TLN2: variants seen among roughly 807,000 people sequenced by gnomAD.
TLN2 encodes the protein talin 2, also known as talin-2.
Under a neutral mutation model 294.7 loss-of-function variants are expected in TLN2, and 118 were observed. That is an observed-to-expected ratio of 0.40 (90% CI 0.34 to 0.47). The LOEUF is 0.47. Among genes scored for constraint, TLN2 ranks in the 20% least tolerant of loss-of-function variants. TLN2 has a pLI of 0.84. For synonymous variants in TLN2, 1,431 were observed against 1,304.5 expected, an observed-to-expected ratio of 1.10 and a Z score of -2.09; for missense variants, 3,083 against 3,282.2, an observed-to-expected ratio of 0.94 and a Z score of 1.48.
intron 1 of TLN2, among the ~76,000 whole-genome samples, chr15:62,511,302 A>G (rs1365603431): frequency 2.0e-5 from 3 of 152,350 alleles, no homozygotes; most frequent in South Asian, 2.1e-4. Context: ...TGAGGAGTAT[A>G]TAAGAATGAC....
intron 1 of TLN2, among the ~76,000 whole-genome samples, chr15:62,447,635 G>A (rs1220762240): frequency 5.3e-5 from 8 of 151,668 alleles, no homozygotes; most frequent in Non-Finnish European, 1.0e-4. Flanking sequence ...CTGGGACTGT[G>A]GGCACCCGCC....
chr15:62,396,102 A>G (rs147955498), intron 1 of TLN2, among the ~76,000 whole-genome samples: 5,247 of 152,224 alleles, frequency 0.034, 310 homozygotes, highest in African/African-American at 0.12. Context: ...CCAAAGTGCT[A>G]TGATTACAGG....
chr15:62,765,500 A>T (rs72757717), intron 40 of TLN2, among the ~76,000 whole-genome samples: 1 of 152,264 alleles, frequency 6.6e-6, no homozygotes, highest in Admixed American at 6.5e-5. Flanking sequence ...AGTTCACTCA[A>T]TTCCATGCTG....
intron 51 of TLN2, among the ~76,000 whole-genome samples, chr15:62,807,793 T>C (rs952298144): frequency 2.0e-5 from 3 of 152,272 alleles, no homozygotes; most frequent in Non-Finnish European, 4.4e-5. Context: ...AGCCTGAATG[T>C]CAGCTTCACA....
intron 1 of TLN2, among the ~76,000 whole-genome samples, chr15:62,478,551 A>G (rs542421193): frequency 1.3e-5 from 2 of 151,892 alleles, no homozygotes; most frequent in African/African-American, 4.8e-5. Context: ...ACCTCTGCCC[A>G]CCTCCGCCAG....
intron 1 of TLN2, among the ~76,000 whole-genome samples, chr15:62,460,340 AC>A (rs2036729117): frequency 6.7e-6 from 1 of 149,028 alleles, no homozygotes; most frequent in South Asian, 2.1e-4. Flanking sequence ...ATCTCAGCTC[AC>A]CGCAACCTCC....
At chr15:62,812,192 C>T (rs952488461) in intron 52 of TLN2, among the ~76,000 whole-genome samples, 8 of 152,096 alleles carry the variant, frequency 5.3e-5, no homozygotes, top group African/African-American at 1.2e-4. Context: ...TTTTCTCTCT[C>T]GTGCTTTTGC....
chr15:62,548,342 G>A (rs544104392), intron 1 of TLN2, among the ~76,000 whole-genome samples: 2 of 152,284 alleles, frequency 1.3e-5, no homozygotes, highest in African/African-American at 4.8e-5. Context: ...AAGAGAATCG[G>A]GTAAAATGGG....
At chr15:62,774,403 T>TA (rs1281448447) in intron 42 of TLN2, among the ~76,000 whole-genome samples, 1 of 152,134 alleles carries the variant, frequency 6.6e-6, no homozygotes, top group Non-Finnish European at 1.5e-5. Flanking sequence ...CGATGCCACT[T>TA]ATGAGATTGC....
At chr15:62,574,623 T>G (rs904502929) in intron 1 of TLN2, among the ~76,000 whole-genome samples, 1 of 96,040 alleles carries the variant, frequency 1.0e-5, no homozygotes, top group Non-Finnish European at 2.4e-5. Context: ...AAAAAAAGAC[T>G]ATTTCCTTTT....
chr15:62,647,738 C>G (rs113728537), intron 4 of TLN2, among the ~76,000 whole-genome samples: 1,769 of 152,158 alleles, frequency 0.012, 33 homozygotes, highest in African/African-American at 0.041. Context: ...TCTCATTGTC[C>G]CAAGAAAGTG....
intron 28 of TLN2, among the ~76,000 whole-genome samples, chr15:62,727,854 A>G (rs976259916): frequency 2.6e-5 from 4 of 152,234 alleles, no homozygotes; most frequent in Non-Finnish European, 5.9e-5. Context: ...TATGTATGGA[A>G]GGAAAGCTTA....
At chr15:62,742,952 A>G (rs2061422565) in intron 32 of TLN2, among the ~76,000 whole-genome samples, 1 of 152,156 alleles carries the variant, frequency 6.6e-6, no homozygotes, top group South Asian at 2.1e-4. Context: ...TGTCTTCATT[A>G]CATAGATTTT....
In TLN2 at chr15:62,835,755, A is replaced by G. The variant is rs766987642; in HGVS notation, c.7147A>G (p.Asn2383Asp). ...AQGKVGSIPA[N>D]AADDGQWSQG... is the part of the protein sequence containing the mutation. ...TCTCTAGGTGGGCTCCATCCCTGCC[A>G]ATGCTGCAGACGACGGACAGTGGTC... is the stretch of plus-strand genomic sequence containing the variant. Residue 2383 changes from asparagine (N) to aspartate (D), a missense_variant, in exon 56 of 59, where the codon AAT (asparagine) becomes GAT (aspartate). Asn to Asp is a conservative substitution (Grantham distance 23). Transcript: ENST00000636159. 1.9e-6 allele frequency: 3 copies of G among 1,614,034 alleles called. No individual in the cohort carries two copies. The highest frequency in any genetic ancestry group is 2.2e-5 in the East Asian group (1 of 44,866).
intron 1 of TLN2, among the ~76,000 whole-genome samples, chr15:62,567,625 A>G (rs2043516527): frequency 6.7e-6 from 1 of 149,922 alleles, no homozygotes; most frequent in Non-Finnish European, 1.5e-5. Flanking sequence ...ACTTGAGGGC[A>G]GGAGTTTGAG....
intron 1 of TLN2, among the ~76,000 whole-genome samples, chr15:62,392,279 T>C (rs1001882650): frequency 1.3e-5 from 2 of 152,254 alleles, no homozygotes; most frequent in African/African-American, 2.4e-5. Flanking sequence ...TGAAAACTTC[T>C]GGTTCTTTCC....
In TLN2 at chr15:62,725,063, G is replaced by A. The variant is rs1192368727; in HGVS notation, c.3214G>A (p.Ala1072Thr). 6.2e-7 allele frequency: 1 copy of A among 1,613,064 alleles called. No individual in the cohort carries two copies. The highest frequency in any genetic ancestry group is 8.5e-7 in the Non-Finnish European group (1 of 1,179,666). Residue 1072 changes from alanine to threonine, a missense_variant, in exon 27 of 59, where the codon GCA becomes ACA. Physicochemically the swap from Ala to Thr is moderately conservative, Grantham distance 58. Coordinates refer to ENST00000636159, the MANE Select transcript of TLN2 (RefSeq NM_015059.3). ...LKNELQDAKM[A>T]AVESQLKPLP... The stretch of plus-strand genomic sequence containing the variant: ...GAATGAACTGCAGGATGCCAAGATG[G>A]CAGCCGTGGAGAGCCAGCTGAAGCC...
rs541799740 is a variant in TLN2 at position 62,837,366 on chromosome 15, G to C, written c.7374+1293G>C. 4.6e-5 allele frequency among the ~76,000 whole-genome samples: 7 copies of C among 152,288 alleles called. No homozygotes were observed. In the South Asian group the frequency reaches 8.3e-4, roughly 18 times the overall value. ...TTAAGAGAGACCTGGTTCAAGTCCT[G>C]CTTCTGCCATTTATTAGGTGCATAA... On this transcript the variant is annotated intron_variant, in intron 57 of 58. Coordinates refer to ENST00000636159, the MANE Select transcript of TLN2 (RefSeq NM_015059.3).
chr15:62,833,340 C>T, intron 54 of TLN2, 164 bp from the exon 55 acceptor site: 1 of 1,077,770 alleles, frequency 9.3e-7, no homozygotes, highest in Non-Finnish European at 1.3e-6. Context: ...CACAGGGGAC[C>T]TGTCATCTGC....
Sources: allele counts gnomAD v4.1 joint callset (sites outside exome capture counted in the v4.1 genomes callset), GRCh38; gene constraint gnomAD v4.1.1; transcripts MANE v1.5; gene names NCBI Gene and HGNC (gene_info 2026-07-23, HGNC 2026-07-21).